PLXNA4: variants seen among roughly 807,000 people sequenced by gnomAD.
PLXNA4 encodes the protein plexin-A4.
A neutral mutation model predicts 191.8 loss-of-function variants in PLXNA4; 44 were observed. The observed-to-expected ratio is 0.23, with a 90% CI of 0.18 to 0.29. The LOEUF (loss-of-function observed/expected upper bound fraction) is 0.29. PLXNA4 is among the 10% of genes least tolerant of loss of function. The pLI, the probability that PLXNA4 is intolerant of heterozygous loss-of-function variation, is 1.00. For synonymous variants in PLXNA4, 1,082 were observed against 1,009.5 expected, an observed-to-expected ratio of 1.07 and a Z score of -1.36; for missense variants, 1,800 against 2,488.8, an observed-to-expected ratio of 0.72 and a Z score of 5.89.
chr7:132,226,268 G>A lies in PLXNA4; in HGVS notation c.1883-8C>T. ...GTACGACATGGTGGTCCCCTACAAG[G>A]AGAGATGGCTGAGGGGTCAGGGAAT... On this transcript the variant is annotated splice_region_variant and splice_polypyrimidine_tract_variant and intron_variant, in intron 7 of 31. Transcript: ENST00000321063. 1.2e-6 allele frequency: 2 copies of A among 1,610,362 alleles called. No individual in the cohort carries two copies. The highest frequency in any genetic ancestry group is 2.7e-5 in the African/African-American group (2 of 74,974).
intron 3 of PLXNA4, among the ~76,000 whole-genome samples, chr7:132,309,243 G>A (rs1349090511): frequency 2.6e-5 from 4 of 152,192 alleles, no homozygotes; most frequent in African/African-American, 7.2e-5. Context: ...GTCTGACCAA[G>A]CTGCAGGAGG....
intron 1 of PLXNA4, among the ~76,000 whole-genome samples, chr7:132,525,976 C>T (rs1426421962): frequency 6.6e-6 from 1 of 152,152 alleles, no homozygotes; most frequent in Non-Finnish European, 1.5e-5. Flanking sequence ...CCTATTATGA[C>T]CTCTGGGAAC....
chr7:132,331,019 C>T (rs1329588135), intron 3 of PLXNA4, among the ~76,000 whole-genome samples: 1 of 151,890 alleles, frequency 6.6e-6, no homozygotes, highest in East Asian at 1.9e-4. Context: ...CCATTCGTGT[C>T]AAGACAGAGT....
intron 3 of PLXNA4, among the ~76,000 whole-genome samples, chr7:132,347,356 C>T (rs1803284336): frequency 6.6e-6 from 1 of 152,188 alleles, no homozygotes; most frequent in South Asian, 2.1e-4. Flanking sequence ...ACTTTCATCA[C>T]CTGAAAACTA....
At chr7:132,639,028 T>C (rs1196150155) in intron 2 of PLXNA4, among the ~76,000 whole-genome samples, 2 of 152,176 alleles carry the variant, frequency 1.3e-5, no homozygotes, top group African/African-American at 4.8e-5. Context: ...CGCATGGTGC[T>C]CTAGGGGTTG....
chr7:132,199,543 T>C (rs974629287), intron 12 of PLXNA4, among the ~76,000 whole-genome samples: 1 of 152,220 alleles, frequency 6.6e-6, no homozygotes, highest in Non-Finnish European at 1.5e-5. Context: ...TGGCGTTTCA[T>C]GGACCAGAGA....
rs186116120 is a variant in PLXNA4, at chr7:132,491,475, G to C, written c.1189-2001C>G. Among the ~76,000 whole-genome samples the C allele has an allele frequency of 5.3e-5, 8 of 152,276 alleles. No individual in the cohort carries two copies. The East Asian group carries it at 1.4e-3, about 26-fold the overall frequency. On this transcript the variant is annotated intron_variant, in intron 2 of 31. Coordinates refer to ENST00000321063, the MANE Select transcript of PLXNA4 (RefSeq NM_020911.2). ...TGATGGCTCCCCTTCTTCCTACAGA[G>C]TAGGGACAGTCAGAGCGAAAACGGG... is the stretch of plus-strand genomic sequence containing the variant.
At chr7:132,175,015 G>A in intron 20 of PLXNA4, 95 bp from the exon 21 acceptor site, 3 of 1,544,082 alleles carry the variant, frequency 1.9e-6, no homozygotes, top group Non-Finnish European at 2.6e-6. Context: ...CAAGCCCCTA[G>A]GAGACATGAG....
At chr7:132,324,842 G>A (rs972906762) in intron 3 of PLXNA4, among the ~76,000 whole-genome samples, 16 of 152,234 alleles carry the variant, frequency 1.1e-4, no homozygotes, top group African/African-American at 1.7e-4. Flanking sequence ...ACTGAATTTC[G>A]ACAAAATACA....
chr7:132,231,384 C>T (rs900399457), intron 5 of PLXNA4, among the ~76,000 whole-genome samples: 3 of 152,172 alleles, frequency 2.0e-5, no homozygotes, highest in African/African-American at 7.2e-5. Flanking sequence ...TGCAGAACCA[C>T]AGATTTATTT....
At chr7:132,207,032 G>A (rs1390788615) in intron 10 of PLXNA4, among the ~76,000 whole-genome samples, 1 of 152,150 alleles carries the variant, frequency 6.6e-6, no homozygotes, top group East Asian at 1.9e-4. Flanking sequence ...ATGAGACCTC[G>A]ATATAACTGA....
At chr7:132,319,312 GAGTA>G (rs1401366420) in intron 3 of PLXNA4, among the ~76,000 whole-genome samples, 3 of 152,148 alleles carry the variant, frequency 2.0e-5, no homozygotes, top group Non-Finnish European at 4.4e-5. Context: ...CGTGCATTTT[GAGTA>G]AGTGCTACTG....
chr7:132,239,518 C>G (rs1012021231), intron 5 of PLXNA4, among the ~76,000 whole-genome samples: 2 of 152,148 alleles, frequency 1.3e-5, no homozygotes, highest in Admixed American at 1.3e-4. Flanking sequence ...CTCAGCCAAG[C>G]AGAAAACAGG....
At chr7:132,281,126 G>GA (rs1468170521) in intron 4 of PLXNA4, among the ~76,000 whole-genome samples, 4 of 152,016 alleles carry the variant, frequency 2.6e-5, no homozygotes, top group Middle Eastern at 3.2e-3. Flanking sequence ...TGCTAGAATT[G>GA]GTTTTATTAT....
At chr7:132,171,810 C>A (rs987704888) in intron 21 of PLXNA4, among the ~76,000 whole-genome samples, 3 of 152,156 alleles carry the variant, frequency 2.0e-5, no homozygotes, top group Admixed American at 2.0e-4. Flanking sequence ...CACCTCTGGG[C>A]TCTATTGCCT....
chr7:132,233,313 G>C (rs557449434), intron 5 of PLXNA4, among the ~76,000 whole-genome samples: 1 of 152,294 alleles, frequency 6.6e-6, no homozygotes, highest in East Asian at 1.9e-4. Context: ...GTGTGGCTTG[G>C]AGGAAGTGGA....
Position 132,641,456 on chromosome 7 carries a change from G to T in PLXNA4, c.-87+4472C>A, listed in dbSNP as rs568104170. ...AGGACACCAGTCATGTTGGATGAGG[G>T]CTCTATCCATATGACCTTATTTAAC... On this transcript the variant is annotated intron_variant, in intron 2 of 4. Transcript: ENST00000378539. 1.2e-4 allele frequency among the ~76,000 whole-genome samples: 19 copies of T among 152,172 alleles called. 1 individual carries two copies. The South Asian group carries it at 1.7e-3, about 13-fold the overall frequency.
At chr7:132,229,884 G>T (rs1798466649) in intron 5 of PLXNA4, among the ~76,000 whole-genome samples, 1 of 152,048 alleles carries the variant, frequency 6.6e-6, no homozygotes, top group Non-Finnish European at 1.5e-5. Flanking sequence ...AAAGCTATGG[G>T]GGTTTCTCCT....
intron 3 of PLXNA4, among the ~76,000 whole-genome samples, chr7:132,397,905 A>C (rs1173371039): frequency 2.6e-5 from 4 of 152,334 alleles, no homozygotes; most frequent in African/African-American, 9.6e-5. Flanking sequence ...AACCGGAAGG[A>C]AATTGGAATT....
Sources: gnomAD v4.1 joint callset for allele counts (sites outside exome capture counted in the v4.1 genomes callset) on GRCh38, gnomAD v4.1.1 for gene constraint, MANE v1.5 for transcripts, NCBI Gene and HGNC (gene_info 2026-07-23, HGNC 2026-07-21) for gene names.